Variants in MIS18A observed in about 807,000 individuals in gnomAD.
The protein encoded by MIS18A is protein Mis18-alpha.
MIS18A carries 14 observed loss-of-function variants against 25.0 expected under a neutral mutation model. The observed-to-expected ratio is 0.56, with a 90% CI of 0.37 to 0.88. The LOEUF is 0.88. Ranked by LOEUF, MIS18A falls within the 40% of genes least tolerant of loss-of-function variation. The probability of loss-of-function intolerance (pLI) is 0.00; values close to 1 mark genes in which losing one functional copy is unlikely to be tolerated. For missense variants in MIS18A, 292 were observed against 290.8 expected (o/e 1.00, Z -0.03); for synonymous variants, 134 against 118.6 (o/e 1.13, Z -0.84).
the MIS18A span, among the ~76,000 whole-genome samples, chr21:32,235,567 C>T: frequency 7.8e-3 from 1,186 of 152,262 alleles, 14 homozygotes; most frequent in African/African-American, 0.027. Flanking sequence ...TGAGGTGAAA[C>T]CTATTTGACA....
At chr21:32,260,083 G>GTTTTTTTTTTT in the MIS18A span, 2 of 69,914 alleles carry the variant, frequency 2.9e-5, no homozygotes, top group African/African-American at 2.2e-4. Flanking sequence ...ATTTTTCTCA[G>GTTTTTTTTTTT]CTTTTTTTTT....
chr21:32,262,238 G>C, the MIS18A span, among the ~76,000 whole-genome samples: 1 of 152,184 alleles, frequency 6.6e-6, no homozygotes, highest in East Asian at 1.9e-4. Context: ...CCTCCTAAAT[G>C]ATCGTTAAGT....
intron 1 of MIS18A, 32 bp from the exon 2 acceptor site, chr21:32,274,928 A>C: frequency 1.3e-6 from 2 of 1,563,320 alleles, no homozygotes; most frequent in Non-Finnish European, 1.8e-6. Context: ...ATAATTTATT[A>C]ATGTAGTTCG....
At chr21:32,251,167 A>G in the MIS18A span, among the ~76,000 whole-genome samples, 6 of 152,272 alleles carry the variant, frequency 3.9e-5, no homozygotes, top group South Asian at 1.0e-3. Flanking sequence ...TTCCTCTATA[A>G]TTTACCCAGT....
the MIS18A span, among the ~76,000 whole-genome samples, chr21:32,243,443 C>A: frequency 1.6e-4 from 24 of 151,976 alleles, no homozygotes; most frequent in Non-Finnish European, 2.8e-4. Context: ...GGTGTGTTAC[C>A]AAATGGTATA....
chr21:32,179,132 T>G, the MIS18A span, among the ~76,000 whole-genome samples: 1 of 151,864 alleles, frequency 6.6e-6, no homozygotes, highest in Admixed American at 6.6e-5. Context: ...ATCTTATATT[T>G]CTCTTTGCTG....
chr21:32,262,419 C>T, the MIS18A span, among the ~76,000 whole-genome samples: 1 of 152,220 alleles, frequency 6.6e-6, no homozygotes, highest in African/African-American at 2.4e-5. Context: ...ACACGTTTTA[C>T]TTTCTCAAAA....
chr21:32,260,341 C>T, the MIS18A span: 2 of 152,154 alleles, frequency 1.3e-5, no homozygotes, highest in African/African-American at 4.8e-5. Context: ...GGAAGTGGCA[C>T]TCAAGCAAGA....
At chr21:32,185,504 T>C in the MIS18A span, among the ~76,000 whole-genome samples, 6 of 152,160 alleles carry the variant, frequency 3.9e-5, no homozygotes, top group Admixed American at 1.3e-4. Flanking sequence ...CAATGTGGCA[T>C]GCATCCTCCA....
chr21:32,247,784 C>T, the MIS18A span, among the ~76,000 whole-genome samples: 2 of 152,174 alleles, frequency 1.3e-5, no homozygotes, highest in East Asian at 1.9e-4. Flanking sequence ...GCCCGCACCT[C>T]GATCTTGGAC....
chr21:32,199,534 G>A, the MIS18A span, among the ~76,000 whole-genome samples: 28 of 152,242 alleles, frequency 1.8e-4, no homozygotes, highest in African/African-American at 5.3e-4. Flanking sequence ...GGGGCCGGGC[G>A]TGGTGGCTCA....
the MIS18A span, among the ~76,000 whole-genome samples, chr21:32,192,400 G>C: frequency 6.6e-6 from 1 of 152,056 alleles, no homozygotes; most frequent in Non-Finnish European, 1.5e-5. Flanking sequence ...CTCCTTCCTG[G>C]CCTCCATATG....
chr21:32,248,706 A>G, the MIS18A span, among the ~76,000 whole-genome samples: 5 of 152,222 alleles, frequency 3.3e-5, no homozygotes, highest in African/African-American at 1.2e-4. Flanking sequence ...GTCTGGTCTC[A>G]TTGAATTCAC....
chr21:32,205,254 G>A, the MIS18A span, among the ~76,000 whole-genome samples: 1 of 151,538 alleles, frequency 6.6e-6, no homozygotes, highest in Non-Finnish European at 1.5e-5. Flanking sequence ...ACAGGCGCCT[G>A]CCACCACGCC....
chr21:32,255,164 T>C, the MIS18A span, among the ~76,000 whole-genome samples: 5 of 152,188 alleles, frequency 3.3e-5, no homozygotes, highest in African/African-American at 1.2e-4. Flanking sequence ...GTAGATACTT[T>C]TACTGTCTTC....
chr21:32,279,009 T>C lies in MIS18A; in HGVS notation c.6A>G (p.Ala2=), dbSNP rs781524249. 6.1e-5 allele frequency: 97 copies of C among 1,592,324 alleles called. No homozygotes were observed. Among genetic ancestry groups the C allele is most frequent in the South Asian group, 5.6e-4 (51 of 90,700 alleles). Residue 2 remains alanine (A), a synonymous_variant, in exon 1 of 5, where the codon GCA becomes GCG. Transcript: ENST00000290130. M[A]GVRSLRCSRG... The stretch of plus-strand genomic sequence containing the variant: ...TGCTACACCTCAGTGACCGAACGCC[T>C]GCCATTACCTACAAATCGCCCGCGC...
At chr21:32,278,223 A>C in intron 1 of MIS18A, 1 of 160,554 alleles carries the variant, frequency 6.2e-6, no homozygotes. Flanking sequence ...TTTCTTCCCT[A>C]TAGCACTGTG....
chr21:32,238,948 G>A, the MIS18A span, among the ~76,000 whole-genome samples: 20,627 of 151,490 alleles, frequency 0.14, 3,056 homozygotes, highest in African/African-American at 0.37. Flanking sequence ...TGTTTCTTGG[G>A]GGAAAAAAAA....
Position 32,268,920 on chromosome 21 carries a change from G to T in MIS18A, c.*117C>A, listed in dbSNP as rs545432035. ...ATCCTCCCACCTCAGCGTTTCGCAT[G>T]CCTGGCTAATTTTTTTTTTCTTTTT... On this transcript the variant is annotated 3_prime_UTR_variant, in exon 5 of 5. Transcript: ENST00000290130. The T allele has an allele frequency of 6.4e-5, 47 of 730,678 alleles. No individual in the cohort carries two copies. Among genetic ancestry groups the T allele is most frequent in the Non-Finnish European group, 9.6e-5 (44 of 460,472 alleles). The allele number at this position is 730,678 out of a possible 1,614,324, so 45.3% of individuals were successfully genotyped here.
Sources: gnomAD v4.1 joint callset for allele counts (sites outside exome capture counted in the v4.1 genomes callset) on GRCh38, gnomAD v4.1.1 for gene constraint, MANE v1.5 for transcripts, NCBI Gene and HGNC (gene_info 2026-07-23, HGNC 2026-07-21) for gene names.